The following DNM1L variants were observed in gnomAD, a reference collection of about 807,000 sequenced individuals.
The protein encoded by DNM1L is dynamin 1L.
Under a neutral mutation model 92.8 loss-of-function variants are expected in DNM1L, and 33 were observed. The ratio of observed to expected loss-of-function variants is 0.36; its 90% confidence interval spans 0.27 to 0.48. The LOEUF is 0.48. DNM1L is among the 20% of genes least tolerant of loss of function. DNM1L has a pLI of 0.99. For missense variants in DNM1L, 485 were observed against 888.8 expected (o/e 0.55, Z 5.78); for synonymous variants, 284 against 305.0 (o/e 0.93, Z 0.72).
At chr12:32,705,424 AG>A in intron 2 of DNM1L, 1 of 162,950 alleles carries the variant, frequency 6.1e-6, no homozygotes, top group East Asian at 1.7e-4. Flanking sequence ...CAAGTGCAGT[AG>A]TAAGGCGGGA....
At chr12:32,716,742 GTATATATA>G (rs71447619) in intron 6 of DNM1L, among the ~76,000 whole-genome samples, 3,190 of 139,162 alleles carry the variant, frequency 0.023, 121 homozygotes, top group African/African-American at 0.08. Context: ...ACTATATATA[GTATATATA>G]TATATATATA....
intron 1 of DNM1L, among the ~76,000 whole-genome samples, chr12:32,686,937 C>CTT (rs71447614): frequency 0.012 from 1,103 of 95,538 alleles, 39 homozygotes; most frequent in African/African-American, 0.038. Context: ...TCTTTTTTTT[C>CTT]TTTTTTTTTT....
Position 32,744,816 on chromosome 12 carries a change from C to T in DNM1L, c.*1406C>T, listed in dbSNP as rs773914048. 8 of 470,776 alleles carry T rather than the reference C, an allele frequency of 1.7e-5. No individual in the cohort carries two copies. Among genetic ancestry groups the T allele is most frequent in the South Asian group, 1.1e-4 (7 of 65,690 alleles). 29.2% of individuals were successfully genotyped at this position (470,776 alleles called of 1,614,324 possible). On this transcript the variant is annotated 3_prime_UTR_variant, in exon 20 of 20. Coordinates refer to ENST00000549701, the MANE Select transcript of DNM1L (RefSeq NM_012062.5). The stretch of plus-strand genomic sequence containing the variant: ...GTAGTGATGAGGTTTAGAACATATA[C>T]ATATTTTGTTAAAATTCCCCAGATG...
chr12:32,713,412 A>G (rs1565513216), intron 6 of DNM1L, 41 bp downstream of exon 6: 2 of 1,603,710 alleles, frequency 1.2e-6, no homozygotes, highest in East Asian at 2.2e-5. Context: ...TTATTTTACA[A>G]TGGTAAATCT....
At chr12:32,713,140 T>C in intron 5 of DNM1L, 69 bp from the exon 6 acceptor site, 3 of 1,521,764 alleles carry the variant, frequency 2.0e-6, no homozygotes, top group Admixed American at 1.7e-5. Context: ...ATTCTATCGA[T>C]TAAATGTGGG....
intron 16 of DNM1L, among the ~76,000 whole-genome samples, chr12:32,739,239 ATAATCC>A (rs1366751537): frequency 6.6e-6 from 1 of 152,166 alleles, no homozygotes; most frequent in Non-Finnish European, 1.5e-5. Flanking sequence ...TTAAACTTAT[ATAATCC>A]ATTTTTAGAT....
At chr12:32,729,846 T>A (rs1360411598) in intron 9 of DNM1L, among the ~76,000 whole-genome samples, 1 of 152,200 alleles carries the variant, frequency 6.6e-6, no homozygotes, top group Non-Finnish European at 1.5e-5. Flanking sequence ...GTGCTTGGCT[T>A]ACTTCTGTTA....
At chr12:32,694,655 C>G (rs1952367310) in intron 1 of DNM1L, among the ~76,000 whole-genome samples, 1 of 152,050 alleles carries the variant, frequency 6.6e-6, no homozygotes, top group Non-Finnish European at 1.5e-5. Context: ...TGACTTTCCC[C>G]TAAAACAGAA....
At chr12:32,707,602 G>A (rs748586987) in intron 3 of DNM1L, among the ~76,000 whole-genome samples, 189 bp downstream of exon 3, 10 of 152,038 alleles carry the variant, frequency 6.6e-5, no homozygotes, top group Non-Finnish European at 1.2e-4. Flanking sequence ...AATTGAGGCC[G>A]ATTTTCTCTG....
intron 1 of DNM1L, among the ~76,000 whole-genome samples, chr12:32,690,705 A>G (rs993269280): frequency 1.3e-5 from 2 of 152,182 alleles, no homozygotes; most frequent in Non-Finnish European, 1.5e-5. Flanking sequence ...GAGTTGTTAG[A>G]CTTAAATGAG....
intron 1 of DNM1L, among the ~76,000 whole-genome samples, chr12:32,685,517 C>A (rs1217382162): frequency 2.0e-5 from 3 of 152,064 alleles, no homozygotes; most frequent in Non-Finnish European, 4.4e-5. Context: ...CCCGCCACTA[C>A]TGCCCGGCTA....
chr12:32,696,271 C>T (rs994588328), intron 1 of DNM1L, among the ~76,000 whole-genome samples: 5 of 152,024 alleles, frequency 3.3e-5, no homozygotes, highest in Non-Finnish European at 5.9e-5. Flanking sequence ...TGTGGTAGCT[C>T]ATACCTGTAG....
intron 17 of DNM1L, 69 bp downstream of exon 17, chr12:32,740,309 A>G (rs547021499): frequency 3.1e-6 from 5 of 1,612,012 alleles, no homozygotes; most frequent in African/African-American, 1.3e-5. Context: ...GATTAGACAG[A>G]AAGAACTAAA....
intron 9 of DNM1L, among the ~76,000 whole-genome samples, chr12:32,724,574 T>C (rs1219308592): frequency 8.1e-5 from 4 of 49,192 alleles, no homozygotes; most frequent in African/African-American, 9.2e-5. Context: ...AGACTCTATC[T>C]CCAAAAAAAA....
chr12:32,705,836 T>C, intron 2 of DNM1L: 1 of 1,598,086 alleles, frequency 6.3e-7, no homozygotes, highest in Non-Finnish European at 8.5e-7. Flanking sequence ...CCCTGCTACA[T>C]GGAAAAACTC....
At position 32,679,433 on chromosome 12, in the gene DNM1L, C is replaced by T; in HGVS notation, c.70C>T (p.Gln24Ter). 3 of 1,613,438 alleles carry T rather than the reference C, an allele frequency of 1.9e-6. No individual in the cohort carries two copies. The highest frequency in any genetic ancestry group is 2.5e-6 in the Non-Finnish European group (3 of 1,179,874). ...CAACACGGTGGGCGCCGACATCATC[C>T]AGCTGCCTCAAATCGTCGTAGTGGG... ...VFNTVGADIIQLPQIVVVGTQ... is the reference protein window; with the variant it reads ...VFNTVGADII Residue 24 changes from glutamine to a stop codon, truncating the protein, a stop_gained, in exon 1 of 20, where the codon CAG (glutamine) becomes TAG (stop). Coordinates refer to ENST00000549701, the MANE Select transcript of DNM1L (RefSeq NM_012062.5). LOFTEE classifies it high-confidence loss of function.
intron 9 of DNM1L, 150 bp downstream of exon 9, chr12:32,722,783 T>C: frequency 1.7e-6 from 1 of 601,640 alleles, no homozygotes; most frequent in Non-Finnish European, 2.9e-6. Context: ...GGATGATGTC[T>C]GGTTGTGTGA....
At chr12:32,742,556 G>A in intron 18 of DNM1L, 33 bp from the exon 19 acceptor site, 2 of 1,613,522 alleles carry the variant, frequency 1.2e-6, no homozygotes, top group South Asian at 1.1e-5. Context: ...TAGAATTTTG[G>A]CTAAAATTCC....
At position 32,733,717 on chromosome 12, in the gene DNM1L, C is replaced by T. The variant is rs2137539166; in HGVS notation, c.1449C>T (p.Val483=). 6.2e-7 allele frequency: 1 copy of T among 1,613,470 alleles called. No individual in the cohort carries two copies. Among genetic ancestry groups the T allele is most frequent in the Non-Finnish European group, 8.5e-7 (1 of 1,179,674 alleles). Residue 483 remains valine (V), a splice_region_variant and synonymous_variant, in exon 13 of 20, where the codon GTC becomes GTT. Coordinates refer to ENST00000549701, the MANE Select transcript of DNM1L (RefSeq NM_012062.5). The part of the protein sequence containing the change: ...RKRLPVTNEM[V]HNLVAIELAY... ...CGCCTAACTTACTTTTTTTCTAGGT[C>T]CATAACTTAGTGGCAATTGAACTGG...
Sources: allele counts gnomAD v4.1 joint callset (sites outside exome capture counted in the v4.1 genomes callset), GRCh38; gene constraint gnomAD v4.1.1; transcripts MANE v1.5; gene names NCBI Gene and HGNC (gene_info 2026-07-23, HGNC 2026-07-21).